DGKI: variants seen among roughly 807,000 people sequenced by gnomAD.
The protein encoded by DGKI is diacylglycerol kinase iota, also known as DAG kinase iota.
A neutral mutation model predicts 147.5 loss-of-function variants in DGKI; 55 were observed. The ratio of observed to expected loss-of-function variants is 0.37; its 90% confidence interval spans 0.30 to 0.47. The LOEUF is 0.47. Ranked by LOEUF, DGKI falls within the 20% of genes least tolerant of loss-of-function variation. DGKI has a pLI of 1.00. For missense variants in DGKI, 1,007 were observed against 1,323.8 expected, an observed-to-expected ratio of 0.76 and a Z score of 3.71; for synonymous variants, 469 against 477.1, an observed-to-expected ratio of 0.98 and a Z score of 0.22.
intron 12 of DGKI, among the ~76,000 whole-genome samples, chr7:137,592,093 C>CT (rs1208121501): frequency 6.6e-6 from 1 of 152,160 alleles, no homozygotes; most frequent in East Asian, 1.9e-4. Flanking sequence ...TACAAAAGAT[C>CT]TTAAAGCTGT....
intron 6 of DGKI, among the ~76,000 whole-genome samples, chr7:137,640,425 C>T (rs1821583880): frequency 6.6e-6 from 1 of 152,110 alleles, no homozygotes; most frequent in Admixed American, 6.5e-5. Flanking sequence ...TGCCCTTGTA[C>T]TGCCCTCTCT....
At chr7:137,505,727 A>G (rs531957970) in intron 21 of DGKI, among the ~76,000 whole-genome samples, 125 of 151,144 alleles carry the variant, frequency 8.3e-4, no homozygotes, top group Non-Finnish European at 1.6e-3. Context: ...AAAAAAAAAA[A>G]GACTGGTACC....
At chr7:137,479,876 G>A (rs1233020062) in intron 23 of DGKI, among the ~76,000 whole-genome samples, 3 of 151,964 alleles carry the variant, frequency 2.0e-5, no homozygotes, top group African/African-American at 7.3e-5. Flanking sequence ...CATACAAATA[G>A]GTATGTATGT....
In DGKI at chr7:137,540,636, A is replaced by G. The variant is rs184432474; in HGVS notation, c.2147+11733T>C. On this transcript the variant is annotated intron_variant, in intron 20 of 32. Transcript: ENST00000614521. Reference sequence around the variant, plus strand: ...AGGAGGCAGAGGTTTCAGTGAGCTGAAATCGCACCACTGCACTCCAGCCTG... The same window carrying G: ...AGGAGGCAGAGGTTTCAGTGAGCTGGAATCGCACCACTGCACTCCAGCCTG... Among the ~76,000 whole-genome samples the G allele has an allele frequency of 6.5e-3, 992 of 151,904 alleles. 14 individuals are homozygous for G. Among genetic ancestry groups the G allele is most frequent in the African/African-American group, 0.023 (937 of 41,422 alleles).
chr7:137,409,601 T>G (rs1384846620), intron 29 of DGKI, among the ~76,000 whole-genome samples: 3 of 152,174 alleles, frequency 2.0e-5, no homozygotes, highest in Admixed American at 2.0e-4. Context: ...GCTAGCAATT[T>G]TCCACAAAAC....
At chr7:137,450,592 C>T (rs776968640) in intron 27 of DGKI, among the ~76,000 whole-genome samples, 16 of 152,030 alleles carry the variant, frequency 1.1e-4, no homozygotes, top group South Asian at 4.2e-4. Flanking sequence ...CGTGGTGGCA[C>T]GCGCCTATAA....
intron 1 of DGKI, among the ~76,000 whole-genome samples, chr7:137,813,677 C>T (rs139492131): frequency 6.6e-6 from 1 of 152,338 alleles, no homozygotes; most frequent in African/African-American, 2.4e-5. Flanking sequence ...GCAAAGATGA[C>T]TGGAAGTCCT....
rs115006391 is a variant in DGKI at position 137,640,713 on chromosome 7, T to C, written c.804+4759A>G. ...GTAATCCCTTTCACTACCCATGTAA[T>C]ATCCCAACTGCACTCCCATGAACTA... On this transcript the variant is annotated intron_variant, in intron 6 of 32. Transcript: ENST00000614521. Among the ~76,000 whole-genome samples the C allele has an allele frequency of 3.4e-3, 512 of 152,318 alleles. 4 individuals are homozygous for C. The highest frequency in any genetic ancestry group is 0.011 in the African/African-American group (456 of 41,566).
intron 14 of DGKI, among the ~76,000 whole-genome samples, chr7:137,582,438 A>G (rs149824870): frequency 7.0e-6 from 1 of 143,646 alleles, no homozygotes; most frequent in Non-Finnish European, 1.5e-5. Flanking sequence ...CTCTCTCTAT[A>G]TATATATATA....
chr7:137,638,487 TACACAC>T (rs1165571046), intron 6 of DGKI, among the ~76,000 whole-genome samples: 5 of 121,628 alleles, frequency 4.1e-5, no homozygotes, highest in Admixed American at 8.1e-5. Flanking sequence ...TGTATATATA[TACACAC>T]ATATATATGT....
Position 137,391,281 on chromosome 7 carries a change from T to C in DGKI, c.3113A>G (p.Tyr1038Cys), listed in dbSNP as rs1811353857. ...CTTATAGTTCTGACGGCTTTCTAGG[T>C]AAGCAGCCAAGTCTGGGTCCCCAGC... ...QQAGDPDLAA[Y>C]LESRQNYKVI... The change falls in exon 33 of 33, where the codon TAC becomes TGC. Residue 1038 changes from tyrosine to cysteine, a missense_variant. Transcript: ENST00000614521. The C allele has an allele frequency of 2.5e-6, 4 of 1,613,148 alleles. No homozygotes were observed. The highest frequency in any genetic ancestry group is 2.2e-5 in the South Asian group (2 of 91,066).
chr7:137,593,476 A>G (rs1819683833), intron 12 of DGKI, among the ~76,000 whole-genome samples: 1 of 152,246 alleles, frequency 6.6e-6, no homozygotes, highest in Admixed American at 6.5e-5. Context: ...ATTGCAGCCA[A>G]GAGATCTGAA....
chr7:137,791,663 C>T (rs1796858699), intron 1 of DGKI, among the ~76,000 whole-genome samples: 1 of 152,152 alleles, frequency 6.6e-6, no homozygotes, highest in South Asian at 2.1e-4. Flanking sequence ...ACAAAAAAAC[C>T]TTTTAGCTCT....
chr7:137,653,155 C>T (rs776564722), intron 5 of DGKI, among the ~76,000 whole-genome samples: 7 of 152,198 alleles, frequency 4.6e-5, no homozygotes, highest in Admixed American at 1.3e-4. Flanking sequence ...CGCGCGCGTG[C>T]GCGCACTTAG....
At chr7:137,603,258 C>T (rs976449626) in intron 10 of DGKI, among the ~76,000 whole-genome samples, 13 of 152,106 alleles carry the variant, frequency 8.5e-5, no homozygotes, top group East Asian at 1.9e-4. Context: ...CAATCAAGAA[C>T]GGGTCGGTTC....
At chr7:137,563,366 A>G (rs1331887728) in intron 19 of DGKI, among the ~76,000 whole-genome samples, 3 of 152,054 alleles carry the variant, frequency 2.0e-5, no homozygotes, top group African/African-American at 4.8e-5. Flanking sequence ...GTGCATTCTT[A>G]TCATTTTTAT....
chr7:137,516,987 A>G (rs1210110355), intron 21 of DGKI, among the ~76,000 whole-genome samples: 1 of 151,908 alleles, frequency 6.6e-6, no homozygotes, highest in African/African-American at 2.4e-5. Context: ...TTACCAAATG[A>G]TCAGGTTAAC....
chr7:137,722,808 G>T, intron 1 of DGKI: 1 of 1,293,930 alleles, frequency 7.7e-7, no homozygotes, highest in Non-Finnish European at 1.1e-6. Context: ...TGTGATCTGT[G>T]GTTGCCCTGA....
At chr7:137,554,640 T>A (rs552927173) in intron 19 of DGKI, among the ~76,000 whole-genome samples, 1 of 152,116 alleles carries the variant, frequency 6.6e-6, no homozygotes, top group Non-Finnish European at 1.5e-5. Context: ...TCCTCCTCCT[T>A]ACTGCCTAAG....
Sources: gnomAD v4.1 joint callset for allele counts (sites outside exome capture counted in the v4.1 genomes callset) on GRCh38, gnomAD v4.1.1 for gene constraint, MANE v1.5 for transcripts, NCBI Gene and HGNC (gene_info 2026-07-23, HGNC 2026-07-21) for gene names.